CNTNAP2: variants seen among roughly 807,000 people sequenced by gnomAD.
The protein encoded by CNTNAP2 is contactin-associated protein-like 2.
Under a neutral mutation model 155.2 loss-of-function variants are expected in CNTNAP2, and 98 were observed. The ratio of observed to expected loss-of-function variants is 0.63; its 90% CI spans 0.54 to 0.75. The LOEUF (loss-of-function observed/expected upper bound fraction) is 0.75, where lower values mean the gene tolerates loss of function less well. Among genes scored for constraint, CNTNAP2 ranks in the 30% least tolerant of loss-of-function variants. CNTNAP2 has a pLI of 0.00. For missense variants in CNTNAP2, 1,727 were observed against 1,688.1 expected (o/e 1.02, Z -0.40); for synonymous variants, 651 against 631.2 (o/e 1.03, Z -0.47).
intron 11 of CNTNAP2, among the ~76,000 whole-genome samples, chr7:147,540,571 A>T (rs539266060): frequency 6.6e-6 from 1 of 152,306 alleles, no homozygotes; most frequent in Non-Finnish European, 1.5e-5. Flanking sequence ...ATATATTGCA[A>T]GGATTCACTA....
chr7:147,321,408 G>A (rs1264995328), intron 9 of CNTNAP2, among the ~76,000 whole-genome samples: 1 of 152,086 alleles, frequency 6.6e-6, no homozygotes, highest in Non-Finnish European at 1.5e-5. Context: ...CCATAATGCA[G>A]TTTAGGATAC....
chr7:146,368,049 G>T (rs1301053537), intron 1 of CNTNAP2, among the ~76,000 whole-genome samples: 4 of 151,988 alleles, frequency 2.6e-5, no homozygotes, highest in Admixed American at 6.6e-5. Context: ...CTTGCTTTGA[G>T]TTCTTAGGTA....
chr7:146,246,140 G>A (rs1563005926), intron 1 of CNTNAP2, among the ~76,000 whole-genome samples: 1 of 151,874 alleles, frequency 6.6e-6, no homozygotes, highest in East Asian at 1.9e-4. Flanking sequence ...TTGGCATTGA[G>A]TGGGGTAAGG....
intron 21 of CNTNAP2, among the ~76,000 whole-genome samples, chr7:148,299,902 A>G (rs528529772): frequency 8.9e-4 from 136 of 152,348 alleles, no homozygotes; most frequent in Non-Finnish European, 1.5e-3. Context: ...GAGAGCTAAC[A>G]CTAAATAATA....
chr7:147,172,231 T>C (rs1002313734), intron 8 of CNTNAP2, among the ~76,000 whole-genome samples: 1 of 152,196 alleles, frequency 6.6e-6, no homozygotes, highest in Non-Finnish European at 1.5e-5. Context: ...TTCTTTTCCT[T>C]GACATTTATA....
At chr7:147,103,986 C>A (rs191073826) in intron 4 of CNTNAP2, among the ~76,000 whole-genome samples, 2 of 152,114 alleles carry the variant, frequency 1.3e-5, no homozygotes, top group East Asian at 3.9e-4. Flanking sequence ...TAAATGCAAT[C>A]TGAGATCCTG....
intron 9 of CNTNAP2, among the ~76,000 whole-genome samples, chr7:147,317,158 G>A (rs1435101507): frequency 6.6e-6 from 1 of 152,104 alleles, no homozygotes; most frequent in Middle Eastern, 3.2e-3. Flanking sequence ...CACTGCCACT[G>A]TGATAAACCA....
chr7:146,994,870 C>G (rs942700231), intron 3 of CNTNAP2, among the ~76,000 whole-genome samples: 1 of 143,146 alleles, frequency 7.0e-6, no homozygotes, highest in Admixed American at 6.8e-5. Flanking sequence ...AATATCAACT[C>G]TCTTTGTGTT....
intron 1 of CNTNAP2, among the ~76,000 whole-genome samples, chr7:146,130,196 T>G (rs1418725282): frequency 6.6e-6 from 1 of 152,226 alleles, no homozygotes; most frequent in Non-Finnish European, 1.5e-5. Context: ...GCGTGGTGGC[T>G]CATGCGTATT....
At chr7:147,880,532 G>A (rs537435278) in intron 13 of CNTNAP2, among the ~76,000 whole-genome samples, 1 of 151,664 alleles carries the variant, frequency 6.6e-6, no homozygotes, top group Admixed American at 6.7e-5. Flanking sequence ...GGATGAGACA[G>A]CACAGAAAGC....
At chr7:147,136,610 G>A (rs998569546) in intron 8 of CNTNAP2, among the ~76,000 whole-genome samples, 5 of 151,902 alleles carry the variant, frequency 3.3e-5, no homozygotes, top group Non-Finnish European at 7.4e-5. Context: ...GGGCAAATGT[G>A]TTTGGGAACA....
At chr7:147,874,940 C>G (rs1799397789) in intron 13 of CNTNAP2, among the ~76,000 whole-genome samples, 1 of 152,184 alleles carries the variant, frequency 6.6e-6, no homozygotes, top group Non-Finnish European at 1.5e-5. Context: ...TCCTCCAGTT[C>G]CCAACAAGTT....
At chr7:146,619,197 T>C (rs1799277987) in intron 1 of CNTNAP2, among the ~76,000 whole-genome samples, 1 of 152,094 alleles carries the variant, frequency 6.6e-6, no homozygotes, top group African/African-American at 2.4e-5. Context: ...CAGAGAATAG[T>C]GTGTAATATT....
chr7:146,663,993 C>A (rs757398127), intron 1 of CNTNAP2, among the ~76,000 whole-genome samples: 16 of 152,144 alleles, frequency 1.1e-4, no homozygotes, highest in Non-Finnish European at 1.9e-4. Context: ...ATGTTACCTG[C>A]AGGCTTTTGT....
intron 1 of CNTNAP2, among the ~76,000 whole-genome samples, chr7:146,558,001 G>A (rs1798221727): frequency 6.6e-6 from 1 of 152,136 alleles, no homozygotes; most frequent in Non-Finnish European, 1.5e-5. Flanking sequence ...TACCCTGTAA[G>A]TTTAATTAAG....
chr7:146,847,059 A>T (rs1458278359), intron 3 of CNTNAP2, among the ~76,000 whole-genome samples: 1 of 151,870 alleles, frequency 6.6e-6, no homozygotes, highest in Non-Finnish European at 1.5e-5. Flanking sequence ...CTCAATGCTA[A>T]TTTTTTTTAT....
At chr7:146,771,410 A>G (rs1802291377) in intron 1 of CNTNAP2, among the ~76,000 whole-genome samples, 2 of 152,212 alleles carry the variant, frequency 1.3e-5, no homozygotes. Context: ...CTCAAAAATT[A>G]TAAAAAGTTA....
chr7:148,027,980 T>C (rs925391683), intron 15 of CNTNAP2, among the ~76,000 whole-genome samples: 4 of 152,138 alleles, frequency 2.6e-5, no homozygotes, highest in African/African-American at 9.7e-5. Context: ...ATAGATGATA[T>C]CAAATCGAGG....
At chr7:146,150,089 C>T (rs1798014837) in intron 1 of CNTNAP2, among the ~76,000 whole-genome samples, 1 of 152,004 alleles carries the variant, frequency 6.6e-6, no homozygotes, top group Non-Finnish European at 1.5e-5. Context: ...AAACAGACAA[C>T]ACAGTAAAAA....
Sources: gnomAD v4.1 joint callset for allele counts (sites outside exome capture counted in the v4.1 genomes callset) on GRCh38, gnomAD v4.1.1 for gene constraint, MANE v1.5 for transcripts, NCBI Gene and HGNC (gene_info 2026-07-23, HGNC 2026-07-21) for gene names.